SPPL2A: variants seen among roughly 807,000 people sequenced by gnomAD.
The protein encoded by SPPL2A is signal peptide peptidase like 2A.
SPPL2A carries 51 observed loss-of-function variants against 63.8 expected under a neutral mutation model. The ratio of observed to expected loss-of-function variants is 0.80; its 90% confidence interval spans 0.64 to 1.01. The LOEUF (loss-of-function observed/expected upper bound fraction) is 1.01, where lower values mean the gene tolerates loss of function less well. SPPL2A is among the 50% of genes least tolerant of loss of function. The probability of loss-of-function intolerance (pLI) is 0.00; values close to 1 mark genes in which losing one functional copy is unlikely to be tolerated. For missense variants in SPPL2A, 553 were observed against 622.7 expected, an observed-to-expected ratio of 0.89 and a Z score of 1.19; for synonymous variants, 188 against 205.8, an observed-to-expected ratio of 0.91 and a Z score of 0.74.
chr15:50,745,907 C>T (rs958616708), intron 5 of SPPL2A, among the ~76,000 whole-genome samples: 3 of 151,598 alleles, frequency 2.0e-5, no homozygotes, highest in East Asian at 1.9e-4. Flanking sequence ...AAAAACTAGC[C>T]AGGCATGGTG....
At chr15:50,758,944 T>A (rs1301745053) in intron 1 of SPPL2A, among the ~76,000 whole-genome samples, 2 of 152,076 alleles carry the variant, frequency 1.3e-5, no homozygotes, top group Non-Finnish European at 2.9e-5. Context: ...AGGATCTCAC[T>A]CTATCACCCA....
Position 50,732,857 on chromosome 15 carries a change from C to T in SPPL2A, c.933-173G>A, listed in dbSNP as rs537030697. Among the ~76,000 whole-genome samples the T allele has an allele frequency of 7.9e-5, 12 of 151,724 alleles. No homozygotes were observed. In the East Asian group the frequency reaches 2.1e-3, roughly 27 times the overall value. On this transcript the variant is annotated intron_variant, in intron 8 of 14. Coordinates refer to ENST00000261854, the MANE Select transcript of SPPL2A (RefSeq NM_032802.4). The stretch of plus-strand genomic sequence containing the variant: ...AGGCTGGAGTGCAGTGGCATGATCT[C>T]GGCTAACTGCAACCTTCACCTCCTG...
chr15:50,705,564 CAAAT>C lies in SPPL2A; in HGVS notation c.*2232_*2235del, dbSNP rs984517278. 6.6e-6 allele frequency: 1 copy of C among 152,048 alleles called. No homozygotes were observed. Among genetic ancestry groups the C allele is most frequent in the African/African-American group, 2.4e-5 (1 of 41,388 alleles). 9.4% of individuals were successfully genotyped at this position (152,048 alleles called of 1,614,324 possible). A position where few individuals can be genotyped will look rare whatever the true frequency, so the allele number is the denominator to read the frequency against. On this transcript the variant is annotated 3_prime_UTR_variant, in exon 15 of 15. Transcript: ENST00000261854. ...ATCTGTTCTCTCTCTCAGAGTCTGC[CAAAT>C]AAATCAGATTTCTTGGAAAATATTC...
chr15:50,723,743 C>T (rs933460707), intron 12 of SPPL2A, among the ~76,000 whole-genome samples: 5 of 152,114 alleles, frequency 3.3e-5, no homozygotes, highest in Non-Finnish European at 5.9e-5. Flanking sequence ...CCCAAAGGGC[C>T]GGGATTACAG....
chr15:50,732,411 G>A (rs1173457310), intron 9 of SPPL2A, among the ~76,000 whole-genome samples, 192 bp downstream of exon 9: 2 of 152,086 alleles, frequency 1.3e-5, no homozygotes, highest in South Asian at 2.1e-4. Flanking sequence ...AAAGGCCATG[G>A]TAGAGCTTTT....
intron 1 of SPPL2A, among the ~76,000 whole-genome samples, chr15:50,754,196 A>C (rs963910834): frequency 6.6e-6 from 1 of 152,158 alleles, no homozygotes; most frequent in Non-Finnish European, 1.5e-5. Flanking sequence ...TATCCTACAC[A>C]TGTGTAGCCT....
intron 1 of SPPL2A, 89 bp from the exon 2 acceptor site, chr15:50,749,835 G>T: frequency 1.3e-6 from 1 of 785,222 alleles, no homozygotes; most frequent in South Asian, 1.5e-5. Flanking sequence ...ATGCAGGGTT[G>T]ATCACATTTC....
chr15:50,761,764 C>T lies in SPPL2A; in HGVS notation c.66+3704G>A, dbSNP rs569746135. ...CAGCCTGGGCAACACAGTGAAACCC[C>T]GTTTCTTCTAAAATACAAAAAATTA... is the stretch of plus-strand genomic sequence containing the variant. On this transcript the variant is annotated intron_variant, in intron 1 of 14. Coordinates refer to ENST00000261854, the MANE Select transcript of SPPL2A (RefSeq NM_032802.4). 1.2e-4 allele frequency among the ~76,000 whole-genome samples: 18 copies of T among 151,814 alleles called. 1 individual carries two copies. The highest frequency in any genetic ancestry group is 3.9e-4 in the African/African-American group (16 of 41,398).
chr15:50,761,442 C>A (rs1029082750), intron 1 of SPPL2A, among the ~76,000 whole-genome samples: 4 of 151,862 alleles, frequency 2.6e-5, no homozygotes, highest in Admixed American at 6.6e-5. Flanking sequence ...GTGGAGAAAC[C>A]CCCGTCTCTA....
chr15:50,753,884 C>T (rs2062931073), intron 1 of SPPL2A, among the ~76,000 whole-genome samples: 1 of 152,028 alleles, frequency 6.6e-6, no homozygotes, highest in African/African-American at 2.4e-5. Context: ...GCAATCTCCG[C>T]CTCCCGAGTT....
At chr15:50,749,523 T>G in intron 2 of SPPL2A, 113 bp downstream of exon 2, 1 of 707,966 alleles carries the variant, frequency 1.4e-6, no homozygotes, top group Non-Finnish European at 2.6e-6. Flanking sequence ...CCTGACCTCA[T>G]GATCCGCCCG....
Position 50,708,910 on chromosome 15 carries a change from G to T in SPPL2A, c.1489-1036C>A, listed in dbSNP as rs189709665. Reference sequence around the variant, plus strand: ...AAATTAGCCAGGCGTGGTGGCAAGCGCCTGTAGTCCCAGCTAATTGGGAGG... The same window carrying T: ...AAATTAGCCAGGCGTGGTGGCAAGCTCCTGTAGTCCCAGCTAATTGGGAGG... On this transcript the variant is annotated intron_variant, in intron 14 of 14. Transcript: ENST00000261854. 2.0e-5 allele frequency among the ~76,000 whole-genome samples: 3 copies of T among 151,592 alleles called. No homozygotes were observed. The East Asian group carries it at 5.8e-4, about 29-fold the overall frequency.
intron 14 of SPPL2A, among the ~76,000 whole-genome samples, chr15:50,716,563 G>A (rs2062600856): frequency 6.6e-6 from 1 of 152,118 alleles, no homozygotes; most frequent in African/African-American, 2.4e-5. Flanking sequence ...TTTTTTATAA[G>A]TAAAAATAAA....
At chr15:50,752,444 G>A (rs903422185) in intron 1 of SPPL2A, among the ~76,000 whole-genome samples, 4 of 151,828 alleles carry the variant, frequency 2.6e-5, no homozygotes, top group Non-Finnish European at 4.4e-5. Flanking sequence ...TAGGCCGGGC[G>A]CAGTGGCTCA....
At chr15:50,757,085 C>CTTTATTTTTTTTTTTTT (rs2062963928) in intron 1 of SPPL2A, among the ~76,000 whole-genome samples, 1 of 103,742 alleles carries the variant, frequency 9.6e-6, no homozygotes, top group Non-Finnish European at 2.0e-5. Context: ...ATCCTAAATC[C>CTTTATTTTTTTTTTTTT]TTTCTTTTTT....
rs2062833005 is a variant in SPPL2A, at chr15:50,742,863, C to CCAATTTT, written c.585-3042_585-3036dup. 3.3e-5 allele frequency: 5 copies of CCAATTTT among 152,146 alleles called. No homozygotes were observed. The South Asian group carries it at 1.0e-3, about 31-fold the overall frequency. The allele number at this position is 152,146 out of a possible 1,614,324, so 9.4% of individuals were successfully genotyped here. The stretch of plus-strand genomic sequence containing the variant: ...TAAAAAAGCTGATATGTACTCCCCT[C>CCAATTTT]CAATTTTCAATTTTCTCAAGGAGGA... On this transcript the variant is annotated intron_variant, in intron 5 of 14. Coordinates refer to ENST00000261854, the MANE Select transcript of SPPL2A (RefSeq NM_032802.4).
intron 1 of SPPL2A, among the ~76,000 whole-genome samples, chr15:50,762,715 C>A (rs1202724297): frequency 6.6e-6 from 1 of 151,018 alleles, no homozygotes; most frequent in Non-Finnish European, 1.5e-5. Context: ...GGAAGCAGTG[C>A]CAGTTTCTTT....
At position 50,705,421 on chromosome 15, in the gene SPPL2A, A is replaced by T. The variant is rs2062500763; in HGVS notation, c.*2379T>A. On this transcript the variant is annotated 3_prime_UTR_variant, in exon 15 of 15. Transcript: ENST00000261854. ...TCTTTAACATTCTTCATAAAATGTG[A>T]TTAAGGCTATTAAATATAAAGCTTG... 1 of 152,092 alleles carries T rather than the reference A, an allele frequency of 6.6e-6. No individual in the cohort carries two copies. The highest frequency in any genetic ancestry group is 1.5e-5 in the Non-Finnish European group (1 of 68,018). 9.4% of individuals were successfully genotyped at this position (152,092 alleles called of 1,614,324 possible).
chr15:50,757,195 G>A (rs2141060675), intron 1 of SPPL2A, among the ~76,000 whole-genome samples: 1 of 150,482 alleles, frequency 6.6e-6, no homozygotes, highest in East Asian at 2.0e-4. Flanking sequence ...CCATTCTCCT[G>A]CCTCAGCCTC....
Sources: allele counts gnomAD v4.1 joint callset (sites outside exome capture counted in the v4.1 genomes callset), GRCh38; gene constraint gnomAD v4.1.1; transcripts MANE v1.5; gene names NCBI Gene and HGNC (gene_info 2026-07-23, HGNC 2026-07-21).